Variants in ZNF738 observed in about 807,000 individuals in gnomAD.
The protein encoded by ZNF738 is zinc finger protein 738, also known as protein ZNF738.
Under a neutral mutation model 9.2 loss-of-function variants are expected in ZNF738, and 10 were observed. That is an observed-to-expected ratio of 1.09 (90% confidence interval 0.67 to 1.85). The LOEUF is 1.85. Among genes scored for constraint, ZNF738 ranks in the 40% most tolerant of loss-of-function variants. The pLI is 0.00. For synonymous variants in ZNF738, 113 were observed against 94.5 expected (o/e 1.20, Z -1.14); for missense variants, 346 against 283.6 (o/e 1.22, Z -1.58).
At chr19:21,380,424 C>T (rs993731869) in intron 4 of ZNF738, among the ~76,000 whole-genome samples, 24 of 152,140 alleles carry the variant, frequency 1.6e-4, no homozygotes, top group African/African-American at 5.8e-4. Context: ...CCCACTCTCC[C>T]CTGGCCTGTG....
rs981456893 is a variant in ZNF738, at chr19:21,388,080, A to C, written c.*4406A>C. 1.3e-5 allele frequency among the ~76,000 whole-genome samples: 2 copies of C among 152,188 alleles called. No homozygotes were observed. Among genetic ancestry groups the C allele is most frequent in the African/African-American group, 4.8e-5 (2 of 41,458 alleles). On this transcript the variant is annotated 3_prime_UTR_variant, in exon 5 of 5. Coordinates refer to ENST00000683779, the MANE Select transcript of ZNF738 (RefSeq NM_001355237.2). Reference sequence around the variant, plus strand: ...AATATATAAGGAACTGACACTGCAGATATACTAAGTCAAGAGTTCTGAGTA... The same window carrying C: ...AATATATAAGGAACTGACACTGCAGCTATACTAAGTCAAGAGTTCTGAGTA...
At chr19:21,361,136 T>A (rs896256544) in intron 1 of ZNF738, among the ~76,000 whole-genome samples, 1 of 150,234 alleles carries the variant, frequency 6.7e-6, no homozygotes, top group Non-Finnish European at 1.5e-5. Flanking sequence ...TGGGGGTTTT[T>A]TTGTTTGTTT....
intron 4 of ZNF738, chr19:21,381,165 C>T (rs1973998375): frequency 1.9e-6 from 2 of 1,060,854 alleles, no homozygotes; most frequent in South Asian, 1.5e-5. Flanking sequence ...CTGCAGTGAG[C>T]ACCAAGGCTT....
chr19:21,369,266 G>A (rs2968031), intron 2 of ZNF738, among the ~76,000 whole-genome samples: 5,582 of 151,864 alleles, frequency 0.037, 338 homozygotes, highest in African/African-American at 0.12. Context: ...ACACCATCAC[G>A]CCTAATTTTT....
chr19:21,375,231 T>TGTG lies in ZNF738; in HGVS notation c.97-7_97-6insGTG, dbSNP rs1472478206. The TGTG allele has an allele frequency of 1.0e-5, 9 of 870,212 alleles. No individual in the cohort carries two copies. The highest frequency in any genetic ancestry group is 1.9e-5 in the African/African-American group (1 of 51,994). 53.9% of individuals were successfully genotyped at this position (870,212 alleles called of 1,614,324 possible). On this transcript the variant is annotated splice_polypyrimidine_tract_variant and splice_region_variant and intron_variant, in intron 2 of 4. Coordinates refer to ENST00000683779, the MANE Select transcript of ZNF738 (RefSeq NM_001355237.2). ...TGTAAATATGTGTGTGTGTGTGTGT[T>TGTG]TTTCAGGGGCCGTTGACATTTAGGG... is the stretch of plus-strand genomic sequence containing the variant.
intron 2 of ZNF738, chr19:21,372,578 C>T (rs1308545227): frequency 3.9e-5 from 6 of 152,134 alleles, no homozygotes; most frequent in South Asian, 2.1e-4. Context: ...CTTACAGAAA[C>T]GTTCCATTTA....
At chr19:21,381,262 G>A in intron 4 of ZNF738, 1 of 1,591,454 alleles carries the variant, frequency 6.3e-7, no homozygotes, top group South Asian at 1.1e-5. Flanking sequence ...TCCCTTTGAT[G>A]TTTGGGTTAT....
In ZNF738 at chr19:21,387,464, A is replaced by G. The variant is rs1365412038; in HGVS notation, c.*3790A>G. On this transcript the variant is annotated 3_prime_UTR_variant, in exon 5 of 5. Transcript: ENST00000683779. ...TCGGGCCTCCCAAAGTGCTGGGATT[A>G]CAGGCATGAGCCACCACTCCCTGCC... Among the ~76,000 whole-genome samples the G allele has an allele frequency of 1.3e-5, 2 of 152,212 alleles. No homozygotes were observed. Among genetic ancestry groups the G allele is most frequent in the African/African-American group, 4.8e-5 (2 of 41,446 alleles).
chr19:21,377,462 C>A, intron 4 of ZNF738: 1 of 706,072 alleles, frequency 1.4e-6, no homozygotes, highest in Middle Eastern at 2.3e-4. Context: ...TCAATATTTG[C>A]TTTATATATT....
chr19:21,362,114 T>C (rs974717269), intron 2 of ZNF738, among the ~76,000 whole-genome samples: 5 of 149,508 alleles, frequency 3.3e-5, no homozygotes, highest in Non-Finnish European at 5.9e-5. Context: ...ATAATAATAA[T>C]AATAATAATA....
chr19:21,361,233 G>T (rs976099449), intron 1 of ZNF738, among the ~76,000 whole-genome samples: 4 of 151,998 alleles, frequency 2.6e-5, no homozygotes, highest in Non-Finnish European at 5.9e-5. Context: ...TGCCTCCCGG[G>T]TTCAGGCGAT....
intron 2 of ZNF738, among the ~76,000 whole-genome samples, chr19:21,365,616 A>G (rs896070199): frequency 6.6e-6 from 1 of 151,996 alleles, no homozygotes; most frequent in African/African-American, 2.4e-5. Flanking sequence ...ATAACTGTTG[A>G]GTTTCAAAAA....
Position 21,384,989 on chromosome 19 carries a change from G to A in ZNF738, c.*1315G>A, listed in dbSNP as rs998573143. ...TTACTACACATAGGAGAATTCATGCGGAAGAGAATTTCTACAAATGTGAAG... is the reference window on the plus strand; with the variant it reads ...TTACTACACATAGGAGAATTCATGCAGAAGAGAATTTCTACAAATGTGAAG... On this transcript the variant is annotated 3_prime_UTR_variant, in exon 5 of 5. Coordinates refer to ENST00000683779, the MANE Select transcript of ZNF738 (RefSeq NM_001355237.2). 3.3e-5 allele frequency among the ~76,000 whole-genome samples: 5 copies of A among 151,610 alleles called. No homozygotes were observed. The highest frequency in any genetic ancestry group is 2.9e-5 in the Non-Finnish European group (2 of 67,920).
rs1443620165 is a variant in ZNF738, at chr19:21,387,884, T to C, written c.*4210T>C. Among the ~76,000 whole-genome samples the C allele has an allele frequency of 6.6e-6, 1 of 152,150 alleles. No homozygotes were observed. Among genetic ancestry groups the C allele is most frequent in the Non-Finnish European group, 1.5e-5 (1 of 67,996 alleles). On this transcript the variant is annotated 3_prime_UTR_variant, in exon 5 of 5. Transcript: ENST00000683779. Reference sequence around the variant, plus strand: ...CAAGCTTTGTTCAACATTAGGGCACTTATATTGGAAAAGTGTCTTGCAGAT... The same window carrying C: ...CAAGCTTTGTTCAACATTAGGGCACCTATATTGGAAAAGTGTCTTGCAGAT...
chr19:21,360,117 A>G (rs1223798863), intron 1 of ZNF738, among the ~76,000 whole-genome samples: 1 of 152,208 alleles, frequency 6.6e-6, no homozygotes, highest in Non-Finnish European at 1.5e-5. Flanking sequence ...TTGGCAGTTT[A>G]TAGTAGGTGA....
chr19:21,375,826 A>T, intron 3 of ZNF738, 43 bp from the exon 4 acceptor site: 1 of 761,346 alleles, frequency 1.3e-6, no homozygotes. Flanking sequence ...AGGTAATTAG[A>T]GAATATGAGC....
intron 2 of ZNF738, among the ~76,000 whole-genome samples, chr19:21,366,580 C>A (rs1271456948): frequency 6.6e-6 from 1 of 152,102 alleles, no homozygotes; most frequent in African/African-American, 2.4e-5. Flanking sequence ...TTGTATCTTG[C>A]TCAAGAAAGA....
chr19:21,382,696 T>G (rs1974020028), intron 4 of ZNF738, among the ~76,000 whole-genome samples, 170 bp from the exon 5 acceptor site: 1 of 152,212 alleles, frequency 6.6e-6, no homozygotes, highest in Non-Finnish European at 1.5e-5. Flanking sequence ...CAGATGTATT[T>G]TCGTTAGTAT....
Position 21,383,841 on chromosome 19 carries a change from T to G in ZNF738, c.*167T>G. 7.5e-7 allele frequency: 1 copy of G among 1,325,744 alleles called. No homozygotes were observed. The allele number at this position is 1,325,744 out of a possible 1,614,324, so 82.1% of individuals were successfully genotyped here. On this transcript the variant is annotated 3_prime_UTR_variant, in exon 5 of 5. Transcript: ENST00000683779. ...AGAGAAACCCTACAAATGTGGAGAA[T>G]GTGGCAAAGCTTTCTTCAGATTCTC...
Sources: allele counts gnomAD v4.1 joint callset (sites outside exome capture counted in the v4.1 genomes callset), GRCh38; gene constraint gnomAD v4.1.1; transcripts MANE v1.5; gene names NCBI Gene and HGNC (gene_info 2026-07-23, HGNC 2026-07-21).